GNAQ: variants seen among roughly 807,000 people sequenced by gnomAD.
GNAQ encodes the protein G protein subunit alpha q, also known as guanine nucleotide-binding protein G(q) subunit alpha.
In GNAQ, 8 loss-of-function variants were observed where a neutral mutation model predicts 43.9. The observed-to-expected ratio is 0.18, with a 90% CI of 0.11 to 0.33. GNAQ has a LOEUF of 0.33. GNAQ is among the 10% of genes least tolerant of loss of function. GNAQ has a pLI of 1.00. For synonymous variants in GNAQ, 155 were observed against 170.7 expected, an observed-to-expected ratio of 0.91 and a Z score of 0.71; for missense variants, 158 against 450.8, an observed-to-expected ratio of 0.35 and a Z score of 5.88.
Position 77,821,013 on chromosome 9 carries a change from C to T in GNAQ, c.322-5243G>A, listed in dbSNP as rs199815716. On this transcript the variant is annotated intron_variant, in intron 2 of 6. Transcript: ENST00000286548. ...TTTATCGCTCATGTGTTAGACAATA[C>T]ACAAGACAATGATGAAAAGGAAAAA... 7.2e-5 allele frequency among the ~76,000 whole-genome samples: 11 copies of T among 152,162 alleles called. No homozygotes were observed. The East Asian group carries it at 1.9e-3, about 27-fold the overall frequency.
chr9:77,800,733 AAAAAT>A (rs1247560227), intron 3 of GNAQ, among the ~76,000 whole-genome samples: 55 of 152,318 alleles, frequency 3.6e-4, no homozygotes, highest in Admixed American at 7.2e-4. Flanking sequence ...TTAAAAAAGA[AAAAAT>A]AAATAAATCA....
At chr9:77,757,628 T>TAC (rs35794070) in intron 5 of GNAQ, among the ~76,000 whole-genome samples, 1,884 of 152,346 alleles carry the variant, frequency 0.012, 41 homozygotes, top group African/African-American at 0.042. Context: ...TTATTAATGT[T>TAC]ACCAAACCAT....
chr9:77,987,967 T>A (rs1177484717), intron 1 of GNAQ, among the ~76,000 whole-genome samples: 3 of 152,192 alleles, frequency 2.0e-5, no homozygotes, highest in Admixed American at 2.0e-4. Context: ...AAGTCCTCAC[T>A]GAGACAACTT....
intron 2 of GNAQ, among the ~76,000 whole-genome samples, chr9:77,903,058 TG>T (rs1253913253): frequency 6.6e-6 from 1 of 152,046 alleles, no homozygotes; most frequent in Non-Finnish European, 1.5e-5. Context: ...GAGCAAAGCC[TG>T]GAAGAAGTGC....
rs116153273 is a variant in GNAQ at position 77,823,333 on chromosome 9, A to G, written c.322-7563T>C. 9.7e-3 allele frequency among the ~76,000 whole-genome samples: 1,479 copies of G among 152,284 alleles called. 25 individuals are homozygous for G. The highest frequency in any genetic ancestry group is 0.033 in the African/African-American group (1,370 of 41,558). ...GTTATATAATTTGTCACTTTAAATA[A>G]AGACCCAAATTTTGAAAATATTATA... On this transcript the variant is annotated intron_variant, in intron 2 of 6. Coordinates refer to ENST00000286548, the MANE Select transcript of GNAQ (RefSeq NM_002072.5).
intron 5 of GNAQ, among the ~76,000 whole-genome samples, chr9:77,769,911 C>G (rs1206509563): frequency 6.6e-6 from 1 of 152,028 alleles, no homozygotes; most frequent in Non-Finnish European, 1.5e-5. Flanking sequence ...CGTGATCTGC[C>G]CGCCTCTGCC....
chr9:77,763,141 C>CAAAAAAAA (rs34812363), intron 5 of GNAQ, among the ~76,000 whole-genome samples: 28 of 64,812 alleles, frequency 4.3e-4, no homozygotes, highest in Admixed American at 8.7e-4. Flanking sequence ...AACAAACAAA[C>CAAAAAAAA]AAAAAAAAAA....
intron 6 of GNAQ, 120 bp downstream of exon 6, chr9:77,728,394 C>A: frequency 1.4e-6 from 1 of 724,324 alleles, no homozygotes; most frequent in Non-Finnish European, 2.5e-6. Flanking sequence ...TCAGTTTCAA[C>A]ACGCAGGCTG....
At chr9:77,983,900 C>T (rs972206139) in intron 1 of GNAQ, among the ~76,000 whole-genome samples, 16 of 151,604 alleles carry the variant, frequency 1.1e-4, no homozygotes, top group Non-Finnish European at 2.9e-5. Flanking sequence ...GAAGATTTAC[C>T]GAGATCCTAC....
chr9:77,737,230 CGTT>C (rs1193843105), intron 5 of GNAQ, among the ~76,000 whole-genome samples: 3 of 152,228 alleles, frequency 2.0e-5, no homozygotes, highest in African/African-American at 7.2e-5. Context: ...ATCACCTTCT[CGTT>C]GCTCTCTGAT....
chr9:77,818,792 G>T (rs919603349), intron 2 of GNAQ, among the ~76,000 whole-genome samples: 1 of 151,984 alleles, frequency 6.6e-6, no homozygotes, highest in Non-Finnish European at 1.5e-5. Flanking sequence ...TTGAGGCCAG[G>T]AGTTCAAGAC....
chr9:77,929,596 C>T (rs947515936), intron 1 of GNAQ, among the ~76,000 whole-genome samples: 1 of 151,930 alleles, frequency 6.6e-6, no homozygotes, highest in South Asian at 2.1e-4. Flanking sequence ...TGTGGGACGC[C>T]GAGGTGGGTG....
chr9:77,829,076 T>C (rs780985356), intron 2 of GNAQ, among the ~76,000 whole-genome samples: 2 of 152,174 alleles, frequency 1.3e-5, no homozygotes, highest in African/African-American at 4.8e-5. Flanking sequence ...CAAGAGCTGC[T>C]GGGGCCATTC....
intron 5 of GNAQ, among the ~76,000 whole-genome samples, chr9:77,746,350 T>C (rs1365001921): frequency 1.3e-5 from 2 of 152,088 alleles, no homozygotes; most frequent in Non-Finnish European, 2.9e-5. Context: ...GGGGCAGCAG[T>C]GAAGCAAGGT....
Position 77,815,591 on chromosome 9 carries a change from T to C in GNAQ, c.476+25A>G, listed in dbSNP as rs369404138. The C allele has an allele frequency of 1.3e-5, 20 of 1,536,632 alleles. No homozygotes were observed. The African/African-American group carries it at 1.4e-4, about 11-fold the overall frequency. On this transcript the variant is annotated intron_variant, in intron 3 of 6. Transcript: ENST00000286548. ...ACATGGAAGTAAAGAGAAAAATCCA[T>C]AGGGCCACCTGGAAAGATACTCACT...
intron 2 of GNAQ, among the ~76,000 whole-genome samples, chr9:77,867,534 A>G (rs1827967513): frequency 6.6e-6 from 1 of 152,204 alleles, no homozygotes; most frequent in Admixed American, 6.5e-5. Context: ...TTTTGCAGTC[A>G]AATCATAATT....
At chr9:77,912,516 A>C (rs1329418162) in intron 2 of GNAQ, among the ~76,000 whole-genome samples, 1 of 152,216 alleles carries the variant, frequency 6.6e-6, no homozygotes, top group Non-Finnish European at 1.5e-5. Context: ...AAAGGACACA[A>C]AAAAGCAATT....
chr9:77,824,056 T>C (rs1004698057), intron 2 of GNAQ, among the ~76,000 whole-genome samples: 4 of 152,262 alleles, frequency 2.6e-5, no homozygotes, highest in Non-Finnish European at 5.9e-5. Context: ...GGTACCTTCA[T>C]GTACTTTAGT....
intron 2 of GNAQ, among the ~76,000 whole-genome samples, chr9:77,839,085 C>T (rs1827441787): frequency 6.6e-6 from 1 of 152,170 alleles, no homozygotes; most frequent in African/African-American, 2.4e-5. Flanking sequence ...CTGATGCCTC[C>T]AGTAGAACCC....
Sources: gnomAD v4.1 joint callset for allele counts (sites outside exome capture counted in the v4.1 genomes callset) on GRCh38, gnomAD v4.1.1 for gene constraint, MANE v1.5 for transcripts, NCBI Gene and HGNC (gene_info 2026-07-23, HGNC 2026-07-21) for gene names.